The following DLGAP2 variants were observed in gnomAD, a reference collection of about 807,000 sequenced individuals.
DLGAP2 encodes DLG associated protein 2.
A neutral mutation model predicts 100.3 loss-of-function variants in DLGAP2; 26 were observed. That is an observed-to-expected ratio of 0.26 (90% CI 0.19 to 0.36). DLGAP2 has a LOEUF of 0.36. Among genes scored for constraint, DLGAP2 ranks in the 10% least tolerant of loss-of-function variants. The probability of loss-of-function intolerance (pLI) is 1.00; values close to 1 mark genes in which losing one functional copy is unlikely to be tolerated. For missense variants in DLGAP2, 1,858 were observed against 1,453.2 expected (o/e 1.28, Z -4.53); for synonymous variants, 886 against 630.1 (o/e 1.41, Z -6.08).
chr8:1,178,770 C>G (rs960082861), intron 2 of DLGAP2, among the ~76,000 whole-genome samples: 18 of 152,222 alleles, frequency 1.2e-4, no homozygotes, highest in Non-Finnish European at 2.9e-5. Context: ...CAATGATTCT[C>G]TGCCAATTCC....
intron 2 of DLGAP2, among the ~76,000 whole-genome samples, chr8:1,182,678 G>A (rs1048974944): frequency 8.5e-5 from 13 of 152,188 alleles, no homozygotes; most frequent in Admixed American, 7.2e-4. Flanking sequence ...TTGAGCTGCC[G>A]TAGGTCACTG....
chr8:1,407,647 T>C (rs1796605018), intron 3 of DLGAP2, among the ~76,000 whole-genome samples: 1 of 77,322 alleles, frequency 1.3e-5, no homozygotes, highest in Admixed American at 1.2e-4. Context: ...GAGCGCCACC[T>C]CCTCATCCTC....
At chr8:978,741 A>G (rs1800240545) in intron 2 of DLGAP2, among the ~76,000 whole-genome samples, 1 of 152,114 alleles carries the variant, frequency 6.6e-6, no homozygotes, top group Non-Finnish European at 1.5e-5. Flanking sequence ...TGTGTATATC[A>G]TCTGGTAAGG....
chr8:1,555,475 C>G (rs892077934), intron 5 of DLGAP2, among the ~76,000 whole-genome samples: 4 of 152,164 alleles, frequency 2.6e-5, no homozygotes, highest in African/African-American at 9.7e-5. Flanking sequence ...GCCACCGCTT[C>G]CCCCCGGCCC....
At chr8:1,129,852 G>A (rs761447909) in intron 2 of DLGAP2, among the ~76,000 whole-genome samples, 9 of 152,052 alleles carry the variant, frequency 5.9e-5, no homozygotes, top group Non-Finnish European at 1.0e-4. Flanking sequence ...AGCAACCGTG[G>A]GCCTTGGACC....
chr8:1,339,445 C>G (rs1801369949), intron 3 of DLGAP2, among the ~76,000 whole-genome samples: 1 of 152,214 alleles, frequency 6.6e-6, no homozygotes, highest in Non-Finnish European at 1.5e-5. Flanking sequence ...CCTGGGACAG[C>G]CTCGGGAGCC....
intron 3 of DLGAP2, among the ~76,000 whole-genome samples, chr8:1,476,518 C>G (rs911998977): frequency 6.6e-6 from 1 of 152,154 alleles, no homozygotes; most frequent in African/African-American, 2.4e-5. Flanking sequence ...CTGACACCAG[C>G]TTGGGTATTT....
intron 2 of DLGAP2, among the ~76,000 whole-genome samples, chr8:1,010,151 GCACA>G (rs1195750441): frequency 6.6e-6 from 1 of 152,150 alleles, no homozygotes; most frequent in African/African-American, 2.4e-5. Context: ...CTACATATAT[GCACA>G]CACACCTATG....
chr8:1,172,502 C>T (rs2116680208), intron 2 of DLGAP2, among the ~76,000 whole-genome samples: 1 of 152,342 alleles, frequency 6.6e-6, no homozygotes, highest in East Asian at 1.9e-4. Context: ...TCTGTTCTCC[C>T]TGTCACTTTC....
At chr8:858,352 C>T (rs922602704) in intron 1 of DLGAP2, among the ~76,000 whole-genome samples, 10 of 152,256 alleles carry the variant, frequency 6.6e-5, no homozygotes, top group African/African-American at 1.9e-4. Flanking sequence ...TGTAGGATTC[C>T]GACTGCATGG....
chr8:793,869 C>A (rs1436389406), intron 1 of DLGAP2, among the ~76,000 whole-genome samples: 1 of 152,248 alleles, frequency 6.6e-6, no homozygotes, highest in Non-Finnish European at 1.5e-5. Context: ...CTGGTTTAAC[C>A]TGTTACGGCT....
intron 1 of DLGAP2, among the ~76,000 whole-genome samples, chr8:763,976 G>C (rs1385135601): frequency 6.6e-6 from 1 of 152,208 alleles, no homozygotes. Context: ...GTTTGGCTGA[G>C]CTTCCGGCTT....
At chr8:1,273,399 A>G (rs1799621039) in intron 3 of DLGAP2, among the ~76,000 whole-genome samples, 1 of 152,190 alleles carries the variant, frequency 6.6e-6, no homozygotes, top group Non-Finnish European at 1.5e-5. Flanking sequence ...ACCCCAGGTC[A>G]CACAGCTGGC....
At chr8:1,448,765 C>G (rs971149040) in intron 3 of DLGAP2, among the ~76,000 whole-genome samples, 1 of 152,132 alleles carries the variant, frequency 6.6e-6, no homozygotes, top group African/African-American at 2.4e-5. Flanking sequence ...GTTCTGCATT[C>G]CCGTTCCCCT....
intron 1 of DLGAP2, among the ~76,000 whole-genome samples, chr8:797,281 A>G (rs879481331): frequency 1.3e-5 from 2 of 151,900 alleles, no homozygotes; most frequent in Non-Finnish European, 2.9e-5. Context: ...TATTTTTCCT[A>G]CTCTTAAAAA....
intron 1 of DLGAP2, among the ~76,000 whole-genome samples, chr8:850,312 A>T (rs1169643509): frequency 1.3e-5 from 2 of 152,204 alleles, no homozygotes; most frequent in East Asian, 3.8e-4. Flanking sequence ...ATCTCAAAGC[A>T]ATTTTTTGAA....
chr8:1,224,240 G>A (rs1242402914), intron 2 of DLGAP2, among the ~76,000 whole-genome samples: 1 of 152,126 alleles, frequency 6.6e-6, no homozygotes, highest in Non-Finnish European at 1.5e-5. Flanking sequence ...CATTTAATGT[G>A]GGTCAGGAAG....
chr8:1,158,552 A>G (rs937844119), intron 2 of DLGAP2, among the ~76,000 whole-genome samples: 4 of 152,186 alleles, frequency 2.6e-5, no homozygotes, highest in African/African-American at 4.8e-5. Flanking sequence ...GTGTTTTCCT[A>G]TATATAAACT....
At chr8:1,328,005 G>A (rs1801061250) in intron 3 of DLGAP2, among the ~76,000 whole-genome samples, 1 of 152,142 alleles carries the variant, frequency 6.6e-6, no homozygotes, top group Non-Finnish European at 1.5e-5. Flanking sequence ...CTTCATGGGT[G>A]AGGCTGAGAC....
Sources: allele counts gnomAD v4.1 joint callset (sites outside exome capture counted in the v4.1 genomes callset), GRCh38; gene constraint gnomAD v4.1.1; transcripts MANE v1.5; gene names NCBI Gene and HGNC (gene_info 2026-07-23, HGNC 2026-07-21).